Variants in PPFIBP1 observed in about 807,000 individuals in gnomAD.
PPFIBP1 encodes the protein liprin-beta-1.
In PPFIBP1, 112 loss-of-function variants were observed where a neutral mutation model predicts 137.8. The observed-to-expected ratio is 0.81, with a 90% CI of 0.70 to 0.95. PPFIBP1 has a LOEUF of 0.95. PPFIBP1 is among the 40% of genes least tolerant of loss of function. The pLI, the probability that PPFIBP1 is intolerant of heterozygous loss-of-function variation, is 0.00. For synonymous variants in PPFIBP1, 378 were observed against 417.3 expected (o/e 0.91, Z 1.15); for missense variants, 1,083 against 1,196.6 (o/e 0.91, Z 1.40).
At chr12:27,595,886 A>AATATATATATATATAT (rs201970397) in intron 2 of PPFIBP1, among the ~76,000 whole-genome samples, 1 of 102,438 alleles carries the variant, frequency 9.8e-6, no homozygotes, top group Non-Finnish European at 2.2e-5. Context: ...ACAACAACAA[A>AATATATATATATATAT]ATATATATAT....
intron 10 of PPFIBP1, among the ~76,000 whole-genome samples, chr12:27,659,606 A>G (rs2059420203): frequency 6.6e-6 from 1 of 151,570 alleles, no homozygotes; most frequent in South Asian, 2.1e-4. Context: ...GGCTGCAGTG[A>G]GCTATGATCT....
At chr12:27,647,908 A>G in intron 6 of PPFIBP1, 66 bp downstream of exon 6, 6 of 1,525,722 alleles carry the variant, frequency 3.9e-6, no homozygotes, top group Non-Finnish European at 5.3e-6. Context: ...CTGCATTTCT[A>G]TGTTGTGTTT....
chr12:27,624,156 T>A (rs1592938145), intron 2 of PPFIBP1, among the ~76,000 whole-genome samples: 1 of 152,100 alleles, frequency 6.6e-6, no homozygotes, highest in African/African-American at 2.4e-5. Context: ...AAGGAGGGCA[T>A]GTCTTTGCAG....
Position 27,688,954 on chromosome 12 carries a change from A to G in PPFIBP1, c.2497-61A>G, listed in dbSNP as rs2061354729. The G allele has an allele frequency of 9.1e-6, 14 of 1,536,934 alleles. No individual in the cohort carries two copies. In the South Asian group the frequency reaches 1.1e-4, roughly 12 times the overall value. On this transcript the variant is annotated intron_variant, in intron 26 of 29. Coordinates refer to ENST00000228425, the MANE Select transcript of PPFIBP1 (RefSeq NM_003622.4). Reference sequence around the variant, plus strand: ...GAAAGCTTTGCAAATTATAAAGCACAATACAAACATGTATGATTTGTGGTG... The same window carrying G: ...GAAAGCTTTGCAAATTATAAAGCACGATACAAACATGTATGATTTGTGGTG...
chr12:27,555,960 C>G (rs1592433628), intron 1 of PPFIBP1, among the ~76,000 whole-genome samples: 4 of 152,132 alleles, frequency 2.6e-5, no homozygotes, highest in Admixed American at 2.6e-4. Context: ...AGAACTTAAA[C>G]TGTGAAGTTT....
At chr12:27,565,269 C>T (rs1289160567) in intron 1 of PPFIBP1, among the ~76,000 whole-genome samples, 1 of 152,186 alleles carries the variant, frequency 6.6e-6, no homozygotes, top group Non-Finnish European at 1.5e-5. Context: ...CTGGCCTTGC[C>T]CAAGGAGGGG....
At chr12:27,610,986 T>G (rs1298936329) in intron 2 of PPFIBP1, among the ~76,000 whole-genome samples, 1 of 152,180 alleles carries the variant, frequency 6.6e-6, no homozygotes, top group Non-Finnish European at 1.5e-5. Flanking sequence ...ACAATTCCTT[T>G]GTAATTTCAA....
At chr12:27,552,269 C>T (rs943493024) in intron 1 of PPFIBP1, among the ~76,000 whole-genome samples, 11 of 152,168 alleles carry the variant, frequency 7.2e-5, no homozygotes, top group Non-Finnish European at 1.5e-4. Context: ...GGGCATTTCT[C>T]CTGCATGTCT....
rs553328318 is a variant in PPFIBP1, at chr12:27,595,340, G to A, written c.-36+17101G>A. On this transcript the variant is annotated intron_variant, in intron 2 of 29. Transcript: ENST00000228425. The stretch of plus-strand genomic sequence containing the variant: ...ACCCTGCTCTGGTGGCTGCCCACAT[G>A]GAAGAAGTGCTGCTAACTCCTGAGG... 3.3e-4 allele frequency among the ~76,000 whole-genome samples: 51 copies of A among 152,300 alleles called. No homozygotes were observed. The South Asian group carries it at 7.9e-3, about 24-fold the overall frequency.
At chr12:27,616,932 T>C (rs1173545898) in intron 2 of PPFIBP1, among the ~76,000 whole-genome samples, 2 of 152,142 alleles carry the variant, frequency 1.3e-5, no homozygotes, top group Non-Finnish European at 2.9e-5. Flanking sequence ...GAACTAATGA[T>C]GGATAAAAGG....
rs1943963689 is a variant in PPFIBP1, at chr12:27,527,945, T to TTTG, written c.-124+3582_-124+3583insGTT. On this transcript the variant is annotated intron_variant, in intron 1 of 29. Transcript: ENST00000228425. ...TTTTGATGCAGGGTATTCTTTGCTT[T>TTTG]TTTGTTTGTTTGTTTGTTTTTGAGA... Among the ~76,000 whole-genome samples the TTTG allele has an allele frequency of 3.3e-5, 5 of 151,858 alleles. No individual in the cohort carries two copies. In the South Asian group the frequency reaches 1.0e-3, roughly 32 times the overall value.
Position 27,538,746 on chromosome 12 carries a change from G to A in PPFIBP1, c.-124+14381G>A, listed in dbSNP as rs553748332. 1.4e-4 allele frequency among the ~76,000 whole-genome samples: 21 copies of A among 152,318 alleles called. No individual in the cohort carries two copies. In the South Asian group the frequency reaches 3.7e-3, roughly 27 times the overall value. On this transcript the variant is annotated intron_variant, in intron 1 of 29. Coordinates refer to ENST00000228425, the MANE Select transcript of PPFIBP1 (RefSeq NM_003622.4). ...GCCCCAGCTAGAAAATGCAGTATTA[G>A]TTATACTCTAAGCTTGGCCTCCTAC...
chr12:27,584,869 C>G (rs763208903), intron 2 of PPFIBP1, among the ~76,000 whole-genome samples: 10 of 152,164 alleles, frequency 6.6e-5, no homozygotes, highest in Non-Finnish European at 8.8e-5. Context: ...CCTAGGGGCA[C>G]CTCAGCAAGT....
intron 2 of PPFIBP1, among the ~76,000 whole-genome samples, chr12:27,581,087 G>A (rs1817399847): frequency 6.6e-6 from 1 of 152,016 alleles, no homozygotes; most frequent in African/African-American, 2.4e-5. Flanking sequence ...TGGAGACAGA[G>A]TCTTGTTTTA....
chr12:27,691,105 A>G (rs1381070922), intron 27 of PPFIBP1, among the ~76,000 whole-genome samples: 1 of 149,038 alleles, frequency 6.7e-6, no homozygotes, highest in Non-Finnish European at 1.5e-5. Flanking sequence ...TCTCCAAAAA[A>G]TTCTTTTAGC....
In PPFIBP1 at chr12:27,688,414, T is replaced by G; in HGVS notation, c.2487T>G (p.Gly829=). 32 of 1,614,100 alleles carry G rather than the reference T, an allele frequency of 2.0e-5. No individual in the cohort carries two copies. The highest frequency in any genetic ancestry group is 2.7e-5 in the Non-Finnish European group (32 of 1,179,996). ...ATCTCAGAGGCAGTGGTGTCCATGG[T>G]GGGCTCATGGTAAAGCTCTGATTTA... is the stretch of plus-strand genomic sequence containing the variant. ...APNLRGSGVH[G]GLMVLEPRFN... Residue 829 remains glycine (G), a synonymous_variant, in exon 26 of 30, where the codon GGT becomes GGG. Transcript: ENST00000228425.
chr12:27,664,942 C>CT (rs888348188), intron 12 of PPFIBP1, among the ~76,000 whole-genome samples: 1 of 152,194 alleles, frequency 6.6e-6, no homozygotes, highest in African/African-American at 2.4e-5. Context: ...AATCCCAGCA[C>CT]TTTGGGAGGC....
intron 2 of PPFIBP1, among the ~76,000 whole-genome samples, chr12:27,623,726 C>CAA (rs141702499): frequency 6.6e-6 from 1 of 151,676 alleles, no homozygotes; most frequent in Non-Finnish European, 1.5e-5. Flanking sequence ...ACAAAACAAA[C>CAA]AAAAAAACAA....
intron 1 of PPFIBP1, among the ~76,000 whole-genome samples, chr12:27,551,579 A>G (rs907013348): frequency 9.4e-6 from 1 of 106,244 alleles, no homozygotes; most frequent in Non-Finnish European, 2.5e-5. Context: ...TTGATGTTCC[A>G]TTGTGTAATG....
Sources: allele counts gnomAD v4.1 joint callset (sites outside exome capture counted in the v4.1 genomes callset), GRCh38; gene constraint gnomAD v4.1.1; transcripts MANE v1.5; gene names NCBI Gene and HGNC (gene_info 2026-07-23, HGNC 2026-07-21).